UBE2J2: variants seen among roughly 807,000 people sequenced by gnomAD.
UBE2J2 encodes the protein ubiquitin conjugating enzyme E2 J2.
UBE2J2 carries 5 observed loss-of-function variants against 28.6 expected under a neutral mutation model. That is an observed-to-expected ratio of 0.17 (90% CI 0.09 to 0.37). The LOEUF (loss-of-function observed/expected upper bound fraction) is 0.37, where lower values mean the gene tolerates loss of function less well. Among genes scored for constraint, UBE2J2 ranks in the 10% least tolerant of loss-of-function variants. The pLI is 1.00. For missense variants in UBE2J2, 226 were observed against 338.9 expected, an observed-to-expected ratio of 0.67 and a Z score of 2.62; for synonymous variants, 138 against 139.7, an observed-to-expected ratio of 0.99 and a Z score of 0.09.
At chr1:1,258,635 G>A (rs1192388921) in intron 3 of UBE2J2, among the ~76,000 whole-genome samples, 1 of 152,262 alleles carries the variant, frequency 6.6e-6, no homozygotes, top group Non-Finnish European at 1.5e-5. Flanking sequence ...TACACTGACC[G>A]TCCACAGCAC....
chr1:1,260,471 C>A (rs951550117), intron 3 of UBE2J2, among the ~76,000 whole-genome samples: 1 of 151,924 alleles, frequency 6.6e-6, no homozygotes, highest in Non-Finnish European at 1.5e-5. Flanking sequence ...GAGACGGGCG[C>A]CCTGCTGCCT....
intron 3 of UBE2J2, among the ~76,000 whole-genome samples, chr1:1,257,708 G>A (rs1639287569): frequency 6.6e-6 from 1 of 151,882 alleles, no homozygotes; most frequent in Non-Finnish European, 1.5e-5. Context: ...CAGCACAGCA[G>A]GAGCTCCAGG....
chr1:1,272,753 G>T (rs761572418), intron 1 of UBE2J2: 5 of 167,376 alleles, frequency 3.0e-5, no homozygotes, highest in African/African-American at 1.2e-4. Context: ...TGCTAAGGAG[G>T]TCAGCGGTGC....
intron 1 of UBE2J2, among the ~76,000 whole-genome samples, chr1:1,271,844 T>C (rs937899109): frequency 6.6e-6 from 1 of 151,898 alleles, no homozygotes; most frequent in Non-Finnish European, 1.5e-5. Context: ...CATGGTGGCA[T>C]GTGCCTGTAA....
intron 3 of UBE2J2, among the ~76,000 whole-genome samples, 184 bp from the exon 4 acceptor site, chr1:1,257,494 C>T (rs1396961907): frequency 6.7e-6 from 1 of 149,446 alleles, no homozygotes; most frequent in African/African-American, 2.5e-5. Flanking sequence ...CTCTCCACTA[C>T]CACCCACTGT....
intron 1 of UBE2J2, among the ~76,000 whole-genome samples, chr1:1,272,695 C>G (rs1163459184): frequency 6.6e-6 from 1 of 152,196 alleles, no homozygotes; most frequent in African/African-American, 2.4e-5. Flanking sequence ...ACCTACCTGC[C>G]TGGCTCACCT....
In UBE2J2 at chr1:1,266,252, G is replaced by A. The variant is rs12402622; in HGVS notation, c.131+1610C>T. ...GAGAAGGTGGACCCCTGACCAAGCC[G>A]AAACACATTTCCTTTCAACTCACTG... On this transcript the variant is annotated intron_variant, in intron 2 of 6. Transcript: ENST00000349431. The A allele has an allele frequency of 3.8e-3, 3,932 of 1,037,618 alleles. 354 individuals carry two copies. In the Admixed American group the frequency reaches 0.14, roughly 36 times the overall value. 64.3% of individuals were successfully genotyped at this position (1,037,618 alleles called of 1,614,324 possible).
chr1:1,263,411 G>C (rs753689092), intron 2 of UBE2J2, 25 bp from the exon 3 acceptor site: 2 of 1,607,404 alleles, frequency 1.2e-6, no homozygotes, highest in Non-Finnish European at 1.7e-6. Flanking sequence ...AAAATTACTT[G>C]GGATTTGAGG....
chr1:1,272,746 TAAG>T (rs1640222108), intron 1 of UBE2J2: 1 of 168,910 alleles, frequency 5.9e-6, no homozygotes, highest in Admixed American at 6.5e-5. Context: ...GTGGAACTGC[TAAG>T]GAGGTCAGCG....
In UBE2J2 at chr1:1,268,974, G is replaced by A. The variant is rs115137086; in HGVS notation, c.1-982C>T. ...TCACAGGCAGGAGCCACGGTAACCC[G>A]GGCCCCACAGGGGTTTGGGGTCCAA... is the stretch of plus-strand genomic sequence containing the variant. On this transcript the variant is annotated intron_variant, in intron 1 of 6. Coordinates refer to ENST00000349431, the MANE Select transcript of UBE2J2 (RefSeq NM_058167.3). The surrounding 1 kb of genome is among the most constrained non-coding windows in gnomAD (Gnocchi z 4.7). 0.017 allele frequency among the ~76,000 whole-genome samples: 2,522 copies of A among 152,250 alleles called. 30 individuals are homozygous for A. Among genetic ancestry groups the A allele is most frequent in the South Asian group, 0.039 (186 of 4,816 alleles).
chr1:1,259,959 G>T (rs139950069), intron 3 of UBE2J2, among the ~76,000 whole-genome samples: 2 of 152,162 alleles, frequency 1.3e-5, no homozygotes, highest in African/African-American at 4.8e-5. Context: ...TGTTTCCCTC[G>T]TGTCTCTCTC....
Position 1,254,142 on chromosome 1 carries a change from A to G in UBE2J2, c.*1061T>C, listed in dbSNP as rs895526694. The stretch of plus-strand genomic sequence containing the variant: ...CCTGCGGTACATCCCACCCAGGCGA[A>G]GTCACGGAACAGACGCAGAAGAGGG... On this transcript the variant is annotated 3_prime_UTR_variant, in exon 7 of 7. Coordinates refer to ENST00000349431, the MANE Select transcript of UBE2J2 (RefSeq NM_058167.3). 2.0e-5 allele frequency: 3 copies of G among 152,202 alleles called. No homozygotes were observed. Among genetic ancestry groups the G allele is most frequent in the Non-Finnish European group, 4.4e-5 (3 of 68,028 alleles). 9.4% of individuals were successfully genotyped at this position (152,202 alleles called of 1,614,324 possible). A position where few individuals can be genotyped will look rare whatever the true frequency, so the allele number is the denominator to read the frequency against.
intron 1 of UBE2J2, among the ~76,000 whole-genome samples, chr1:1,270,046 G>T (rs1345740385): frequency 1.3e-5 from 2 of 152,176 alleles, no homozygotes; most frequent in African/African-American, 4.8e-5. Context: ...GAGATCTGAT[G>T]GTTTATAAGG....
chr1:1,258,034 T>C (rs1639312352), intron 3 of UBE2J2, among the ~76,000 whole-genome samples: 2 of 151,918 alleles, frequency 1.3e-5, no homozygotes, highest in African/African-American at 4.8e-5. Flanking sequence ...CCCACTTTTT[T>C]TTGTTTTGTT....
chr1:1,264,035 C>A (rs902822293), intron 2 of UBE2J2, among the ~76,000 whole-genome samples: 12 of 152,138 alleles, frequency 7.9e-5, no homozygotes, highest in African/African-American at 2.9e-4. Flanking sequence ...CTTAAATGTA[C>A]TTATATATAA....
chr1:1,267,192 C>T, intron 2 of UBE2J2, among the ~76,000 whole-genome samples: 1 of 152,130 alleles, frequency 6.6e-6, no homozygotes, highest in Non-Finnish European at 1.5e-5. Context: ...CCCGGCCTCT[C>T]ACACTTTATT....
chr1:1,265,291 C>G (rs1401134465), intron 2 of UBE2J2, among the ~76,000 whole-genome samples: 2 of 152,190 alleles, frequency 1.3e-5, no homozygotes, highest in African/African-American at 4.8e-5. Context: ...ACGCTGCTGT[C>G]CTTAATGCCT....
In UBE2J2 at chr1:1,254,281, C is replaced by A. The variant is rs916925474; in HGVS notation, c.*922G>T. ...GTTCCGTGGACAGCGAACACCCGGG[C>A]CGGAGCCATTACCTACTGTGAAGGC... On this transcript the variant is annotated 3_prime_UTR_variant, in exon 7 of 7. Transcript: ENST00000349431. 6.6e-6 allele frequency: 1 copy of A among 152,248 alleles called. No individual in the cohort carries two copies. The highest frequency in any genetic ancestry group is 1.5e-5 in the Non-Finnish European group (1 of 68,044). The allele number at this position is 152,248 out of a possible 1,614,324, so 9.4% of individuals were successfully genotyped here.
intron 1 of UBE2J2, among the ~76,000 whole-genome samples, chr1:1,272,607 G>C (rs1202234653): frequency 1.4e-5 from 2 of 143,878 alleles, no homozygotes; most frequent in East Asian, 3.8e-4. Context: ...ACTCACACAT[G>C]CACCTGCCTG....
Sources: gnomAD v4.1 joint callset for allele counts (sites outside exome capture counted in the v4.1 genomes callset) on GRCh38, gnomAD v4.1.1 for gene constraint, Gnocchi (gnomAD v3.1) non-coding constraint, MANE v1.5 for transcripts, NCBI Gene and HGNC (gene_info 2026-07-23, HGNC 2026-07-21) for gene names.